The following TLE4 variants were observed in gnomAD, a reference collection of about 807,000 sequenced individuals.
TLE4 encodes transducin-like enhancer protein 4.
In TLE4, 8 loss-of-function variants were observed where a neutral mutation model predicts 92.8. The ratio of observed to expected loss-of-function variants is 0.09; its 90% confidence interval spans 0.05 to 0.16. The LOEUF is 0.16. Ranked by LOEUF, TLE4 falls within the 10% of genes least tolerant of loss-of-function variation. The probability of loss-of-function intolerance (pLI) is 1.00; values close to 1 mark genes in which losing one functional copy is unlikely to be tolerated. For synonymous variants in TLE4, 371 were observed against 374.1 expected (o/e 0.99, Z 0.10); for missense variants, 675 against 997.6 (o/e 0.68, Z 4.36).
chr9:79,710,235 C>T (rs1040421105), intron 14 of TLE4, among the ~76,000 whole-genome samples: 6 of 152,194 alleles, frequency 3.9e-5, no homozygotes, highest in East Asian at 1.9e-4. Flanking sequence ...CTTCTCTGAA[C>T]GGATCTCATT....
intron 4 of TLE4, among the ~76,000 whole-genome samples, chr9:79,585,983 A>G (rs917589994): frequency 6.6e-6 from 1 of 152,156 alleles, no homozygotes; most frequent in African/African-American, 2.4e-5. Flanking sequence ...AAGTAGAGCA[A>G]TTTTCATAAA....
Position 79,572,771 on chromosome 9 carries a change from A to T in TLE4, c.-20A>T. ...TGAGCCGCGCGCCTCTGCCGAGCGC[A>T]GCCAACTAAATCGGCTTGGATGATT... On this transcript the variant is annotated 5_prime_UTR_variant, in exon 1 of 20. Coordinates refer to ENST00000376552, the MANE Select transcript of TLE4 (RefSeq NM_007005.6). 2 of 1,597,714 alleles carry T rather than the reference A, an allele frequency of 1.3e-6. No homozygotes were observed. The highest frequency in any genetic ancestry group is 1.7e-6 in the Non-Finnish European group (2 of 1,172,958).
chr9:79,713,124 G>A (rs1020301032), intron 14 of TLE4, among the ~76,000 whole-genome samples: 4 of 152,148 alleles, frequency 2.6e-5, no homozygotes, highest in African/African-American at 9.7e-5. Flanking sequence ...CCTCAAGGTC[G>A]AAGCCCATCT....
chr9:79,601,068 CAAG>C (rs1468916940), intron 4 of TLE4, among the ~76,000 whole-genome samples: 1 of 152,174 alleles, frequency 6.6e-6, no homozygotes, highest in East Asian at 1.9e-4. Context: ...TAAATAATCT[CAAG>C]AAGGAGGTTG....
intron 8 of TLE4, among the ~76,000 whole-genome samples, chr9:79,656,108 T>A (rs1428626709): frequency 6.6e-6 from 1 of 152,206 alleles, no homozygotes; most frequent in Non-Finnish European, 1.5e-5. Flanking sequence ...AAATTTGAAG[T>A]TGTATTACGT....
intron 8 of TLE4, among the ~76,000 whole-genome samples, chr9:79,657,950 C>T (rs570030851): frequency 3.3e-5 from 5 of 152,256 alleles, no homozygotes; most frequent in African/African-American, 1.2e-4. Context: ...AGTGCAATAG[C>T]CTTCTCAAGT....
intron 9 of TLE4, among the ~76,000 whole-genome samples, chr9:79,705,331 C>T (rs1253625171): frequency 6.6e-6 from 1 of 152,228 alleles, no homozygotes; most frequent in Non-Finnish European, 1.5e-5. Context: ...CATCCAAGAT[C>T]ATCCCTAGCC....
At chr9:79,709,721 T>C in intron 14 of TLE4, 22 bp downstream of exon 14, 2 of 1,611,918 alleles carry the variant, frequency 1.2e-6, no homozygotes, top group Non-Finnish European at 1.7e-6. Context: ...TTTGCCTCTG[T>C]GCTCATTGTG....
intron 8 of TLE4, among the ~76,000 whole-genome samples, chr9:79,689,166 G>A (rs1424996095): frequency 6.6e-6 from 1 of 151,988 alleles, no homozygotes; most frequent in African/African-American, 2.4e-5. Context: ...CAAAACCAAG[G>A]AAATGTGTAT....
In TLE4 at chr9:79,615,291, A is replaced by G. The variant is rs533219296; in HGVS notation, c.315+2573A>G. Among the ~76,000 whole-genome samples, 389 of 152,304 alleles carry G rather than the reference A, an allele frequency of 2.6e-3. 5 individuals carry two copies. In the South Asian group the frequency reaches 0.043, roughly 17 times the overall value. On this transcript the variant is annotated intron_variant, in intron 5 of 19. Coordinates refer to ENST00000376552, the MANE Select transcript of TLE4 (RefSeq NM_007005.6). ...GCATGGCTGTGAGCATCACTGTGCCAGGACTGAAGGCTCTTAATCTGATCT... is the reference window on the plus strand; with the variant it reads ...GCATGGCTGTGAGCATCACTGTGCCGGGACTGAAGGCTCTTAATCTGATCT...
At chr9:79,658,859 G>T (rs749297826) in intron 8 of TLE4, among the ~76,000 whole-genome samples, 37 of 152,204 alleles carry the variant, frequency 2.4e-4, no homozygotes, top group Non-Finnish European at 4.6e-4. Flanking sequence ...ACTAAAGAGT[G>T]TTTAAGCAAA....
intron 8 of TLE4, among the ~76,000 whole-genome samples, chr9:79,670,330 A>C (rs952608193): frequency 1.3e-5 from 2 of 152,172 alleles, no homozygotes; most frequent in African/African-American, 2.4e-5. Context: ...CCCTGGGCAA[A>C]AGCACAACAA....
chr9:79,663,920 G>A (rs143407525), intron 8 of TLE4, among the ~76,000 whole-genome samples: 6 of 152,296 alleles, frequency 3.9e-5, no homozygotes, highest in African/African-American at 1.2e-4. Context: ...AGCGTTTCTC[G>A]GACTATAGTC....
chr9:79,654,137 A>G (rs1385667399), intron 8 of TLE4, 62 bp downstream of exon 8: 2 of 1,493,866 alleles, frequency 1.3e-6, no homozygotes, highest in Non-Finnish European at 1.9e-6. Flanking sequence ...ATTTGAATGA[A>G]TCTAGTAAAG....
At chr9:79,635,088 A>G (rs2055366034) in intron 6 of TLE4, among the ~76,000 whole-genome samples, 1 of 152,176 alleles carries the variant, frequency 6.6e-6, no homozygotes, top group East Asian at 1.9e-4. Context: ...TTTCACTAAT[A>G]TATTACATGT....
At chr9:79,711,028 G>C (rs2073153083) in intron 14 of TLE4, among the ~76,000 whole-genome samples, 1 of 152,148 alleles carries the variant, frequency 6.6e-6, no homozygotes, top group Admixed American at 6.6e-5. Context: ...GGTGTTAATT[G>C]CGTGCCCTCT....
intron 4 of TLE4, chr9:79,601,590 T>C: frequency 2.4e-6 from 1 of 418,158 alleles, no homozygotes; most frequent in African/African-American, 2.0e-5. Context: ...TTGATGTTAC[T>C]ATTGTAATAG....
At chr9:79,634,902 T>C (rs1461502928) in intron 6 of TLE4, among the ~76,000 whole-genome samples, 1 of 152,200 alleles carries the variant, frequency 6.6e-6, no homozygotes, top group African/African-American at 2.4e-5. Flanking sequence ...AAAGGACAGT[T>C]GGTTGAATAA....
chr9:79,629,852 G>A (rs2053716875), intron 6 of TLE4, among the ~76,000 whole-genome samples: 1 of 152,174 alleles, frequency 6.6e-6, no homozygotes, highest in Admixed American at 6.5e-5. Flanking sequence ...CTTGCATCCA[G>A]TAGTTTTTGC....
Sources: allele counts gnomAD v4.1 joint callset (sites outside exome capture counted in the v4.1 genomes callset), GRCh38; gene constraint gnomAD v4.1.1; transcripts MANE v1.5; gene names NCBI Gene and HGNC (gene_info 2026-07-23, HGNC 2026-07-21).